The following ARHGAP15 variants were observed in gnomAD, a reference collection of about 807,000 sequenced individuals.
ARHGAP15 encodes the protein Rho GTPase activating protein 15, also known as rho GTPase-activating protein 15.
Under a neutral mutation model 63.7 loss-of-function variants are expected in ARHGAP15, and 51 were observed. That is an observed-to-expected ratio of 0.80 (90% CI 0.64 to 1.01). ARHGAP15 has a LOEUF of 1.01. Among genes scored for constraint, ARHGAP15 ranks in the 50% least tolerant of loss-of-function variants. ARHGAP15 has a pLI of 0.00. For missense variants in ARHGAP15, 560 were observed against 564.6 expected (o/e 0.99, Z 0.08); for synonymous variants, 191 against 193.8 (o/e 0.99, Z 0.12).
At chr2:143,302,090 C>T (rs1047446994) in intron 6 of ARHGAP15, among the ~76,000 whole-genome samples, 5 of 151,900 alleles carry the variant, frequency 3.3e-5, no homozygotes, top group East Asian at 3.9e-4. Context: ...TTTTTAATTT[C>T]GTTAACCTCA....
At chr2:143,705,707 T>A (rs867187116) in intron 13 of ARHGAP15, among the ~76,000 whole-genome samples, 9 of 152,182 alleles carry the variant, frequency 5.9e-5, no homozygotes, top group Non-Finnish European at 1.2e-4. Flanking sequence ...GAAATATCCG[T>A]TACTCTGTCC....
At position 143,572,563 on chromosome 2, in the gene ARHGAP15, A is replaced by G. The variant is rs545207642; in HGVS notation, c.1003+16078A>G. Among the ~76,000 whole-genome samples, 51 of 152,332 alleles carry G rather than the reference A, an allele frequency of 3.3e-4. 1 individual carries two copies. The South Asian group carries it at 9.1e-3, about 27-fold the overall frequency. On this transcript the variant is annotated intron_variant, in intron 11 of 13. Transcript: ENST00000295095. Reference sequence around the variant, plus strand: ...GGGAATATAAGGTAAGAGACGTCATATAATCAGGTAAATAGTGAGGATTTC... The same window carrying G: ...GGGAATATAAGGTAAGAGACGTCATGTAATCAGGTAAATAGTGAGGATTTC...
chr2:143,182,034 C>A (rs149601365), intron 2 of ARHGAP15, among the ~76,000 whole-genome samples: 5 of 151,596 alleles, frequency 3.3e-5, no homozygotes, highest in Non-Finnish European at 7.4e-5. Flanking sequence ...CCCTGCCTCC[C>A]GGGTTCAAGT....
At chr2:143,143,228 C>T (rs1469404603) in intron 1 of ARHGAP15, among the ~76,000 whole-genome samples, 1 of 151,900 alleles carries the variant, frequency 6.6e-6, no homozygotes, top group Admixed American at 6.6e-5. Flanking sequence ...CAGATAGCTC[C>T]TATATTAAGA....
intron 8 of ARHGAP15, among the ~76,000 whole-genome samples, chr2:143,448,780 C>T (rs936563183): frequency 6.6e-6 from 1 of 151,698 alleles, no homozygotes; most frequent in African/African-American, 2.4e-5. Flanking sequence ...GTAAATATGG[C>T]CTCTCCAGCC....
intron 12 of ARHGAP15, among the ~76,000 whole-genome samples, chr2:143,669,138 C>T (rs997844522): frequency 3.3e-5 from 5 of 152,206 alleles, no homozygotes; most frequent in Admixed American, 6.5e-5. Flanking sequence ...AAAGTATCCA[C>T]TTAAACTTCA....
chr2:143,346,850 A>G (rs1396459777), intron 6 of ARHGAP15, among the ~76,000 whole-genome samples: 1 of 152,122 alleles, frequency 6.6e-6, no homozygotes, highest in Non-Finnish European at 1.5e-5. Flanking sequence ...ATATTTTCAA[A>G]TCAAAGACCA....
chr2:143,595,868 T>G (rs558450732), intron 11 of ARHGAP15, among the ~76,000 whole-genome samples: 7 of 152,280 alleles, frequency 4.6e-5, no homozygotes, highest in African/African-American at 1.7e-4. Context: ...TAAACAATCT[T>G]CCAAAGTATT....
intron 6 of ARHGAP15, among the ~76,000 whole-genome samples, chr2:143,430,813 C>T (rs74784301): frequency 0.01 from 1,590 of 152,036 alleles, 31 homozygotes; most frequent in African/African-American, 0.037. Flanking sequence ...TTATTTATGT[C>T]TCTCTAGAAC....
chr2:143,553,277 C>T (rs1174322091), intron 10 of ARHGAP15, among the ~76,000 whole-genome samples: 1 of 152,102 alleles, frequency 6.6e-6, no homozygotes, highest in African/African-American at 2.4e-5. Flanking sequence ...CATTTTCACT[C>T]TATTTATGTA....
intron 12 of ARHGAP15, among the ~76,000 whole-genome samples, chr2:143,669,657 T>C (rs574892243): frequency 9.2e-5 from 14 of 152,278 alleles, no homozygotes; most frequent in Admixed American, 2.0e-4. Flanking sequence ...TGGGGCCTCT[T>C]TCATAAAGGC....
At chr2:143,710,272 A>C (rs964031142) in intron 13 of ARHGAP15, among the ~76,000 whole-genome samples, 6 of 152,192 alleles carry the variant, frequency 3.9e-5, no homozygotes, top group African/African-American at 1.4e-4. Flanking sequence ...ATCACTTTAA[A>C]GAGCTAATGT....
intron 2 of ARHGAP15, among the ~76,000 whole-genome samples, chr2:143,182,725 G>A (rs973667320): frequency 8.5e-5 from 13 of 152,276 alleles, no homozygotes; most frequent in South Asian, 4.1e-4. Flanking sequence ...AGGCAATCAC[G>A]TGCAACAGCT....
intron 4 of ARHGAP15, among the ~76,000 whole-genome samples, chr2:143,220,989 A>T (rs1335177728): frequency 6.6e-6 from 1 of 152,122 alleles, no homozygotes; most frequent in Non-Finnish European, 1.5e-5. Context: ...TATTTTATAT[A>T]TAGTTAGTAT....
At chr2:143,204,608 A>G (rs1692254041) in intron 3 of ARHGAP15, among the ~76,000 whole-genome samples, 1 of 152,122 alleles carries the variant, frequency 6.6e-6, no homozygotes, top group African/African-American at 2.4e-5. Flanking sequence ...GGAAACAAAC[A>G]TTCGGTCCAT....
intron 12 of ARHGAP15, among the ~76,000 whole-genome samples, chr2:143,642,106 C>T (rs2105275325): frequency 6.6e-6 from 1 of 151,916 alleles, no homozygotes; most frequent in South Asian, 2.1e-4. Flanking sequence ...TAGTATAAGC[C>T]TATTGTAAAA....
intron 13 of ARHGAP15, among the ~76,000 whole-genome samples, chr2:143,714,321 G>A (rs1227354455): frequency 2.0e-5 from 3 of 152,176 alleles, no homozygotes; most frequent in Non-Finnish European, 2.9e-5. Flanking sequence ...TGGGATGCAG[G>A]GTACCACATC....
At chr2:143,484,751 A>G (rs1408338188) in intron 8 of ARHGAP15, among the ~76,000 whole-genome samples, 1 of 152,212 alleles carries the variant, frequency 6.6e-6, no homozygotes, top group Non-Finnish European at 1.5e-5. Context: ...AATTTAAATA[A>G]TAAGATATTT....
chr2:143,300,958 A>C (rs1174283532), intron 6 of ARHGAP15, among the ~76,000 whole-genome samples: 1 of 151,988 alleles, frequency 6.6e-6, no homozygotes, highest in Non-Finnish European at 1.5e-5. Context: ...TGAATACCTT[A>C]ATGTGTATGC....
Sources: gnomAD v4.1 joint callset for allele counts (sites outside exome capture counted in the v4.1 genomes callset) on GRCh38, gnomAD v4.1.1 for gene constraint, MANE v1.5 for transcripts, NCBI Gene and HGNC (gene_info 2026-07-23, HGNC 2026-07-21) for gene names.